The following FGD6 variants were observed in gnomAD, a reference collection of about 807,000 sequenced individuals.
The protein encoded by FGD6 is FYVE, RhoGEF and PH domain-containing protein 6.
A neutral mutation model predicts 149.4 loss-of-function variants in FGD6; 90 were observed. The observed-to-expected ratio is 0.60, with a 90% CI of 0.51 to 0.72. The LOEUF (loss-of-function observed/expected upper bound fraction) is 0.72. Among genes scored for constraint, FGD6 ranks in the 30% least tolerant of loss-of-function variants. FGD6 has a pLI of 0.00. For synonymous variants in FGD6, 527 were observed against 584.0 expected (o/e 0.90, Z 1.41); for missense variants, 1,437 against 1,684.8 (o/e 0.85, Z 2.57).
chr12:95,080,725 A>G lies in FGD6; in HGVS notation c.*795T>C, dbSNP rs1322371285. ...GACATAATGCTTGCTATATTTTGCTATTTTAAAAAATGATACATTTATGTT... is the reference window on the plus strand; with the variant it reads ...GACATAATGCTTGCTATATTTTGCTGTTTTAAAAAATGATACATTTATGTT... On this transcript the variant is annotated 3_prime_UTR_variant, in exon 21 of 21. Coordinates refer to ENST00000343958, the MANE Select transcript of FGD6 (RefSeq NM_018351.4). 1.3e-5 allele frequency: 2 copies of G among 152,150 alleles called. No individual in the cohort carries two copies. The highest frequency in any genetic ancestry group is 1.9e-4 in the East Asian group (1 of 5,202). 9.4% of individuals were successfully genotyped at this position (152,150 alleles called of 1,614,324 possible).
At chr12:95,140,395 T>C (rs1295956925) in intron 6 of FGD6, among the ~76,000 whole-genome samples, 1 of 152,166 alleles carries the variant, frequency 6.6e-6, no homozygotes, top group Admixed American at 6.5e-5. Flanking sequence ...CCAAGGCGGA[T>C]CACCTGAGGT....
At chr12:95,099,272 A>G (rs1878342830) in intron 14 of FGD6, among the ~76,000 whole-genome samples, 1 of 152,190 alleles carries the variant, frequency 6.6e-6, no homozygotes, top group Non-Finnish European at 1.5e-5. Context: ...CGAAGGGATG[A>G]ACTGCAGGTG....
intron 2 of FGD6, among the ~76,000 whole-genome samples, chr12:95,203,539 C>T (rs1383558778): frequency 2.0e-5 from 3 of 152,180 alleles, no homozygotes; most frequent in African/African-American, 7.2e-5. Context: ...ATACCCTATT[C>T]AGGGTACAAC....
chr12:95,116,747 T>C (rs1207881000), intron 8 of FGD6: 1 of 414,194 alleles, frequency 2.4e-6, no homozygotes, highest in Admixed American at 2.6e-5. Flanking sequence ...CTCCAACTTA[T>C]CCATCCATCC....
intron 2 of FGD6, among the ~76,000 whole-genome samples, chr12:95,188,568 A>T (rs1466922125): frequency 6.6e-6 from 1 of 152,190 alleles, no homozygotes; most frequent in East Asian, 1.9e-4. Flanking sequence ...CCATGTGAAA[A>T]ATCAAAACAA....
At chr12:95,183,151 T>C (rs536165267) in intron 2 of FGD6, among the ~76,000 whole-genome samples, 15 of 152,358 alleles carry the variant, frequency 9.8e-5, no homozygotes, top group Admixed American at 9.2e-4. Context: ...ATGGTCTCAC[T>C]ACACACTGCC....
intron 3 of FGD6, among the ~76,000 whole-genome samples, chr12:95,155,708 G>T (rs747103310): frequency 6.6e-6 from 1 of 152,146 alleles, no homozygotes; most frequent in Non-Finnish European, 1.5e-5. Context: ...CAGGGACTAC[G>T]TAAAGTGAGA....
chr12:95,137,279 CA>C (rs927773852), intron 7 of FGD6, among the ~76,000 whole-genome samples: 2 of 149,228 alleles, frequency 1.3e-5, no homozygotes, highest in Non-Finnish European at 3.0e-5. Context: ...GACTCTGTCT[CA>C]AAAAAAAAAT....
intron 15 of FGD6, 84 bp downstream of exon 15, chr12:95,094,508 G>T: frequency 1.2e-6 from 1 of 864,552 alleles, no homozygotes; most frequent in Non-Finnish European, 1.8e-6. Flanking sequence ...TGAAACACAT[G>T]TTGCTTTCTT....
intron 8 of FGD6, among the ~76,000 whole-genome samples, chr12:95,121,852 T>A (rs1323665790): frequency 6.6e-6 from 1 of 152,078 alleles, no homozygotes; most frequent in Non-Finnish European, 1.5e-5. Flanking sequence ...AATGAGGTTG[T>A]ACCATGTCGG....
At chr12:95,179,397 T>C (rs1177265535) in intron 2 of FGD6, among the ~76,000 whole-genome samples, 1 of 151,786 alleles carries the variant, frequency 6.6e-6, no homozygotes, top group Non-Finnish European at 1.5e-5. Context: ...CCTAGCTACT[T>C]GGGAGGCTGA....
At position 95,078,313 on chromosome 12, in the gene FGD6, G is replaced by A. The variant is rs12316136; in HGVS notation, c.*3207C>T. 46,262 of 152,056 alleles carry A rather than the reference G, an allele frequency of 0.3. 7,532 individuals carry two copies. The highest frequency in any genetic ancestry group is 0.41 in the African/African-American group (17,144 of 41,448). 9.4% of individuals were successfully genotyped at this position (152,056 alleles called of 1,614,324 possible). Reference sequence around the variant, plus strand: ...ATCCCATTGACTACATTTGACTAAAGTGGATTTCAAACTTTTCAAAAGCTG... The same window carrying A: ...ATCCCATTGACTACATTTGACTAAAATGGATTTCAAACTTTTCAAAAGCTG... On this transcript the variant is annotated 3_prime_UTR_variant, in exon 21 of 21. Coordinates refer to ENST00000343958, the MANE Select transcript of FGD6 (RefSeq NM_018351.4).
intron 8 of FGD6, among the ~76,000 whole-genome samples, chr12:95,134,003 A>G (rs1360538055): frequency 6.6e-6 from 1 of 152,188 alleles, no homozygotes; most frequent in Non-Finnish European, 1.5e-5. Context: ...ACATAGCTCT[A>G]TAATCTTGAA....
intron 2 of FGD6, among the ~76,000 whole-genome samples, chr12:95,203,070 G>C (rs1723659052): frequency 6.6e-6 from 1 of 152,112 alleles, no homozygotes; most frequent in South Asian, 2.1e-4. Flanking sequence ...CAAAGAGAGA[G>C]GTCTTCTAGA....
chr12:95,187,770 T>C (rs1881486345), intron 2 of FGD6, among the ~76,000 whole-genome samples: 2 of 152,130 alleles, frequency 1.3e-5, no homozygotes, highest in Admixed American at 1.3e-4. Context: ...AGTGAGGTCA[T>C]GTGAGCCACG....
chr12:95,119,958 C>T (rs556416283), intron 8 of FGD6, among the ~76,000 whole-genome samples: 4 of 151,542 alleles, frequency 2.6e-5, no homozygotes, highest in Non-Finnish European at 4.4e-5. Context: ...AGGCCAGGTG[C>T]AGTGGCTCAT....
chr12:95,087,243 G>A (rs1304589144), intron 18 of FGD6, among the ~76,000 whole-genome samples: 1 of 152,146 alleles, frequency 6.6e-6, no homozygotes, highest in East Asian at 1.9e-4. Flanking sequence ...CACGCTTAAG[G>A]TGGCTTCCCA....
At position 95,081,452 on chromosome 12, in the gene FGD6, A is replaced by G. The variant is rs1349246012; in HGVS notation, c.*68T>C. 7.4e-7 allele frequency: 1 copy of G among 1,346,352 alleles called. No individual in the cohort carries two copies. The allele number at this position is 1,346,352 out of a possible 1,614,324, so 83.4% of individuals were successfully genotyped here. A position where few individuals can be genotyped will look rare whatever the true frequency, so the allele number is the denominator to read the frequency against. On this transcript the variant is annotated 3_prime_UTR_variant, in exon 21 of 21. Coordinates refer to ENST00000343958, the MANE Select transcript of FGD6 (RefSeq NM_018351.4). ...GTGTTCATTTTTATACAATTTTTGA[A>G]TTGCATTTACTCCATTCTGATGAAA...
intron 2 of FGD6, among the ~76,000 whole-genome samples, chr12:95,188,277 G>GA (rs1011807451): frequency 2.0e-5 from 3 of 151,822 alleles, no homozygotes; most frequent in Admixed American, 6.6e-5. Flanking sequence ...TGAAGGCACA[G>GA]AAAAAAAATG....
Sources: gnomAD v4.1 joint callset for allele counts (sites outside exome capture counted in the v4.1 genomes callset) on GRCh38, gnomAD v4.1.1 for gene constraint, MANE v1.5 for transcripts, NCBI Gene and HGNC (gene_info 2026-07-23, HGNC 2026-07-21) for gene names.